The following ZBTB20 variants were observed in gnomAD, a reference collection of about 807,000 sequenced individuals.
ZBTB20 encodes the protein zinc finger and BTB domain containing 20, also known as zinc finger and BTB domain-containing protein 20.
ZBTB20 carries 9 observed loss-of-function variants against 56.9 expected under a neutral mutation model. That is an observed-to-expected ratio of 0.16 (90% CI 0.10 to 0.28). The LOEUF (loss-of-function observed/expected upper bound fraction) is 0.28. Ranked by LOEUF, ZBTB20 falls within the 10% of genes least tolerant of loss-of-function variation. The probability of loss-of-function intolerance (pLI) is 1.00; values close to 1 mark genes in which losing one functional copy is unlikely to be tolerated. For synonymous variants in ZBTB20, 417 were observed against 420.7 expected (o/e 0.99, Z 0.11); for missense variants, 655 against 1,003.0 (o/e 0.65, Z 4.69).
At chr3:114,642,242 A>C (rs911615742) in intron 6 of ZBTB20, among the ~76,000 whole-genome samples, 1 of 152,034 alleles carries the variant, frequency 6.6e-6, no homozygotes, top group African/African-American at 2.4e-5. Context: ...AATCTTCTCC[A>C]ATCTCTTGGA....
intron 7 of ZBTB20, among the ~76,000 whole-genome samples, chr3:114,438,861 C>A (rs2090719135): frequency 6.6e-6 from 1 of 152,144 alleles, no homozygotes; most frequent in African/African-American, 2.4e-5. Context: ...AGGTTGTATA[C>A]CCATGAAGCT....
intron 5 of ZBTB20, among the ~76,000 whole-genome samples, chr3:114,731,260 T>C (rs1313099626): frequency 1.3e-5 from 2 of 152,312 alleles, no homozygotes; most frequent in South Asian, 2.1e-4. Context: ...TGGCCACTTA[T>C]ACCTGAAGAT....
intron 4 of ZBTB20, among the ~76,000 whole-genome samples, chr3:114,814,306 A>G (rs983983931): frequency 1.3e-5 from 2 of 150,492 alleles, no homozygotes; most frequent in Non-Finnish European, 3.0e-5. Context: ...ATATATTTAT[A>G]TTGTACATGT....
intron 5 of ZBTB20, among the ~76,000 whole-genome samples, chr3:114,699,976 T>C (rs539377499): frequency 6.6e-6 from 1 of 152,222 alleles, no homozygotes; most frequent in South Asian, 2.1e-4. Context: ...TTAAATGCCA[T>C]AGGGGAAGAT....
At chr3:114,598,514 TAGATAGGCA>T (rs1424125547) in intron 6 of ZBTB20, among the ~76,000 whole-genome samples, 29 of 152,150 alleles carry the variant, frequency 1.9e-4, no homozygotes, top group Middle Eastern at 3.4e-3. Flanking sequence ...ATATTTATGA[TAGATAGGCA>T]TATACACAAA....
chr3:115,117,169 AGG>A, intron 1 of ZBTB20, among the ~76,000 whole-genome samples: 1 of 152,162 alleles, frequency 6.6e-6, no homozygotes, highest in Non-Finnish European at 1.5e-5. Context: ...ATGGGACATA[AGG>A]TATGGATAAT....
At chr3:114,948,937 A>G (rs2076974914) in intron 3 of ZBTB20, among the ~76,000 whole-genome samples, 2 of 146,280 alleles carry the variant, frequency 1.4e-5, no homozygotes, top group African/African-American at 5.6e-5. Flanking sequence ...AGCAGATTCT[A>G]ACATTTTTAT....
chr3:114,864,284 A>T (rs1341700780), intron 4 of ZBTB20, among the ~76,000 whole-genome samples: 2 of 152,040 alleles, frequency 1.3e-5, no homozygotes, highest in Non-Finnish European at 2.9e-5. Context: ...CATCAAATTC[A>T]ATCCAATAAA....
rs143942752 is a variant in ZBTB20 at position 114,927,514 on chromosome 3, C to T, written c.-455-27172G>A. On this transcript the variant is annotated intron_variant, in intron 3 of 11. Transcript: ENST00000675478. ...AACAGGCATGAGCCACCATACCTGG[C>T]CTCAAAAGTTTCAAAACCAACACTC... Among the ~76,000 whole-genome samples, 79 of 152,220 alleles carry T rather than the reference C, an allele frequency of 5.2e-4. 2 individuals are homozygous for T. The East Asian group carries it at 0.015, about 29-fold the overall frequency.
At chr3:114,981,755 C>G (rs2078338726) in intron 2 of ZBTB20, among the ~76,000 whole-genome samples, 1 of 152,032 alleles carries the variant, frequency 6.6e-6, no homozygotes, top group South Asian at 2.1e-4. Flanking sequence ...TACTGAGCGG[C>G]AGAACCAGGA....
intron 6 of ZBTB20, among the ~76,000 whole-genome samples, chr3:114,672,819 A>T (rs2061424296): frequency 6.6e-6 from 1 of 152,118 alleles, no homozygotes; most frequent in Non-Finnish European, 1.5e-5. Context: ...TGATATGTAG[A>T]TTGGGACTAA....
At chr3:114,363,946 T>C (rs149296405) in intron 10 of ZBTB20, among the ~76,000 whole-genome samples, 14 of 152,254 alleles carry the variant, frequency 9.2e-5, no homozygotes, top group African/African-American at 3.4e-4. Flanking sequence ...AAAAAGAAAT[T>C]TCAGCCTTCC....
intron 5 of ZBTB20, among the ~76,000 whole-genome samples, chr3:114,778,388 TA>T (rs1477063622): frequency 1.3e-5 from 2 of 151,326 alleles, no homozygotes; most frequent in East Asian, 3.9e-4. Flanking sequence ...CCCAATAACT[TA>T]AAATTGGAAA....
intron 6 of ZBTB20, among the ~76,000 whole-genome samples, chr3:114,640,405 T>C (rs1056807105): frequency 1.3e-5 from 2 of 152,094 alleles, no homozygotes; most frequent in South Asian, 2.1e-4. Flanking sequence ...ATAATGCTTA[T>C]AGCGCTTAAG....
At chr3:115,030,722 A>G (rs2080636006) in intron 2 of ZBTB20, among the ~76,000 whole-genome samples, 1 of 151,402 alleles carries the variant, frequency 6.6e-6, no homozygotes, top group Admixed American at 6.6e-5. Flanking sequence ...GTACAGCTCA[A>G]TGAGTCACCC....
intron 5 of ZBTB20, among the ~76,000 whole-genome samples, chr3:114,757,690 G>A (rs1383740729): frequency 6.6e-6 from 1 of 152,076 alleles, no homozygotes; most frequent in African/African-American, 2.4e-5. Context: ...TTTCTTATGA[G>A]CTCTATTCCC....
intron 7 of ZBTB20, among the ~76,000 whole-genome samples, chr3:114,479,117 G>C (rs1366267850): frequency 2.0e-5 from 3 of 151,830 alleles, no homozygotes; most frequent in Non-Finnish European, 4.4e-5. Context: ...AAGAAGGAAG[G>C]AGTTTTTGTG....
At chr3:114,484,633 A>G (rs1174380823) in intron 7 of ZBTB20, among the ~76,000 whole-genome samples, 1 of 152,236 alleles carries the variant, frequency 6.6e-6, no homozygotes, top group Non-Finnish European at 1.5e-5. Flanking sequence ...GATGTCCCTG[A>G]TTCCATCTTC....
chr3:114,475,652 AAAG>A (rs2040662752), intron 7 of ZBTB20, among the ~76,000 whole-genome samples: 1 of 152,230 alleles, frequency 6.6e-6, no homozygotes, highest in African/African-American at 2.4e-5. Context: ...AAAACTACGA[AAAG>A]AAGGCATGAG....
Sources: gnomAD v4.1 joint callset for allele counts (sites outside exome capture counted in the v4.1 genomes callset) on GRCh38, gnomAD v4.1.1 for gene constraint, MANE v1.5 for transcripts, NCBI Gene and HGNC (gene_info 2026-07-23, HGNC 2026-07-21) for gene names.